Variants in LOC122539214 observed in about 807,000 individuals in gnomAD.
chr19:52,676,892 G>A, the LOC122539214 span, among the ~76,000 whole-genome samples: 1 of 135,306 alleles, frequency 7.4e-6, no homozygotes, highest in South Asian at 2.4e-4. Flanking sequence ...TAAGGGTGGT[G>A]CAAGATGTGC....
the LOC122539214 span, among the ~76,000 whole-genome samples, chr19:52,673,781 G>A: frequency 6.6e-6 from 1 of 150,750 alleles, no homozygotes; most frequent in Non-Finnish European, 1.5e-5. Context: ...TTGGGAGGCT[G>A]AGGTGGGCCA....
chr19:52,669,345 T>C, the LOC122539214 span, among the ~76,000 whole-genome samples: 6 of 152,182 alleles, frequency 3.9e-5, no homozygotes, highest in African/African-American at 1.4e-4. Flanking sequence ...GCTGCAGGAT[T>C]TGAGTCAATG....
the LOC122539214 span, among the ~76,000 whole-genome samples, chr19:52,658,136 CAAA>C: frequency 1.9e-5 from 2 of 103,776 alleles, no homozygotes. Flanking sequence ...AACTTCATCT[CAAA>C]AAAAAAAAAA....
the LOC122539214 span, among the ~76,000 whole-genome samples, chr19:52,681,379 A>G: frequency 6.6e-6 from 1 of 152,088 alleles, no homozygotes; most frequent in African/African-American, 2.4e-5. Context: ...ATGAGCTGAA[A>G]TACAAGTGGT....
At chr19:52,653,061 G>A in the LOC122539214 span, 20 of 1,487,656 alleles carry the variant, frequency 1.3e-5, no homozygotes, top group African/African-American at 2.2e-4. Context: ...CATTACACTT[G>A]TAAGGTTTCT....
the LOC122539214 span, among the ~76,000 whole-genome samples, chr19:52,677,136 G>A: frequency 1.8e-3 from 252 of 143,610 alleles, 3 homozygotes; most frequent in African/African-American, 4.1e-3. Flanking sequence ...AAAAAAAAAA[G>A]AAAAAAAGAA....
chr19:52,660,534 C>G, the LOC122539214 span, among the ~76,000 whole-genome samples: 2 of 152,076 alleles, frequency 1.3e-5, no homozygotes, highest in Non-Finnish European at 2.9e-5. Context: ...ATGAGAATCT[C>G]TTGACCCTGG....
At chr19:52,652,165 G>A in the LOC122539214 span, 8 of 224,962 alleles carry the variant, frequency 3.6e-5, no homozygotes, top group East Asian at 1.5e-4. Flanking sequence ...CACACTGGGC[G>A]TGGTGGCTCA....
At chr19:52,680,313 C>T in the LOC122539214 span, among the ~76,000 whole-genome samples, 40 of 152,278 alleles carry the variant, frequency 2.6e-4, no homozygotes, top group East Asian at 7.5e-3. Context: ...CTCTAGGTAC[C>T]TGTAGCTCTC....
At chr19:52,678,119 A>C in the LOC122539214 span, among the ~76,000 whole-genome samples, 1 of 152,136 alleles carries the variant, frequency 6.6e-6, no homozygotes, top group East Asian at 1.9e-4. Context: ...ATTAGTGAAG[A>C]AAAACAATAA....
chr19:52,658,764 C>A, the LOC122539214 span, among the ~76,000 whole-genome samples: 1 of 152,120 alleles, frequency 6.6e-6, no homozygotes, highest in African/African-American at 2.4e-5. Flanking sequence ...GTTTACCCTA[C>A]CTCCATTAAC....
chr19:52,688,565 G>A, the LOC122539214 span, among the ~76,000 whole-genome samples: 3 of 150,908 alleles, frequency 2.0e-5, no homozygotes, highest in South Asian at 6.3e-4. Flanking sequence ...ATTTTCCCCC[G>A]GGGTTCTGCT....
At chr19:52,674,572 G>T in the LOC122539214 span, among the ~76,000 whole-genome samples, 1 of 152,162 alleles carries the variant, frequency 6.6e-6, no homozygotes, top group East Asian at 1.9e-4. Flanking sequence ...ACATTCAGTG[G>T]ATTTGCAGAG....
At chr19:52,665,047 G>A in the LOC122539214 span, among the ~76,000 whole-genome samples, 76 of 152,236 alleles carry the variant, frequency 5.0e-4, no homozygotes, top group Non-Finnish European at 9.0e-4. Context: ...ACTAGAATGC[G>A]AAATGCAAAG....
the LOC122539214 span, among the ~76,000 whole-genome samples, chr19:52,658,188 A>G: frequency 7.2e-5 from 11 of 151,970 alleles, no homozygotes; most frequent in African/African-American, 2.7e-4. Flanking sequence ...AACAAAGAAT[A>G]AAGAAAAATG....
At chr19:52,687,423 A>T in the LOC122539214 span, among the ~76,000 whole-genome samples, 46 of 46,212 alleles carry the variant, frequency 1.0e-3, 4 homozygotes, top group African/African-American at 8.3e-3. Context: ...TTATAATATA[A>T]ATTATAATTT....
chr19:52,683,545 C>A, the LOC122539214 span, among the ~76,000 whole-genome samples: 1 of 123,572 alleles, frequency 8.1e-6, no homozygotes, highest in Non-Finnish European at 1.7e-5. Flanking sequence ...AAGTCCCTGC[C>A]CATAATGGCC....
the LOC122539214 span, among the ~76,000 whole-genome samples, chr19:52,687,333 T>G: frequency 7.7e-6 from 1 of 130,626 alleles, no homozygotes; most frequent in South Asian, 2.2e-4. Flanking sequence ...ATTATATATA[T>G]AGATATATAA....
At chr19:52,673,275 T>A in the LOC122539214 span, among the ~76,000 whole-genome samples, 2 of 152,150 alleles carry the variant, frequency 1.3e-5, no homozygotes, top group Admixed American at 1.3e-4. Context: ...GGAGCCAAGA[T>A]GGGTGGATCC....
Sources: gnomAD v4.1 joint callset for allele counts (sites outside exome capture counted in the v4.1 genomes callset) on GRCh38, gnomAD v4.1.1 for gene constraint, MANE v1.5 for transcripts.